Variants in ELAPOR2 observed in about 807,000 individuals in gnomAD.
ELAPOR2 encodes endosome/lysosome-associated apoptosis and autophagy regulator family member 2.
In ELAPOR2, 89 loss-of-function variants were observed where a neutral mutation model predicts 120.7. That is an observed-to-expected ratio of 0.74 (90% CI 0.62 to 0.88). ELAPOR2 has a LOEUF of 0.88. Ranked by LOEUF, ELAPOR2 falls within the 40% of genes least tolerant of loss-of-function variation. The probability of loss-of-function intolerance (pLI) is 0.00; values close to 1 mark genes in which losing one functional copy is unlikely to be tolerated. For synonymous variants in ELAPOR2, 444 were observed against 444.9 expected (o/e 1.00, Z 0.03); for missense variants, 1,134 against 1,251.6 (o/e 0.91, Z 1.42).
chr7:86,989,898 G>A (rs1443614606), intron 1 of ELAPOR2, among the ~76,000 whole-genome samples: 2 of 151,956 alleles, frequency 1.3e-5, no homozygotes, highest in South Asian at 2.1e-4. Flanking sequence ...ATTAAAGGAG[G>A]AACTTTTGGT....
At chr7:87,012,260 A>C (rs1045178894) in intron 1 of ELAPOR2, among the ~76,000 whole-genome samples, 1 of 152,078 alleles carries the variant, frequency 6.6e-6, no homozygotes, top group African/African-American at 2.4e-5. Context: ...AAATACAAAA[A>C]TTAGCTGGGC....
chr7:86,936,063 C>T (rs1252878654), intron 8 of ELAPOR2, among the ~76,000 whole-genome samples: 1 of 151,936 alleles, frequency 6.6e-6, no homozygotes, highest in Admixed American at 6.6e-5. Context: ...TCAATCAACT[C>T]GATCCTCTCC....
At chr7:86,926,665 G>A in intron 9 of ELAPOR2, 71 bp downstream of exon 9, 1 of 1,375,486 alleles carries the variant, frequency 7.3e-7, no homozygotes, top group Non-Finnish European at 9.8e-7. Context: ...AAACAATTTA[G>A]AAAATGGTCA....
chr7:86,938,724 T>C, intron 7 of ELAPOR2, 84 bp downstream of exon 7: 1 of 1,453,024 alleles, frequency 6.9e-7, no homozygotes, highest in South Asian at 1.2e-5. Flanking sequence ...GCTGTCATAC[T>C]TTATGGGTGA....
Position 86,934,620 on chromosome 7 carries a change from C to T in ELAPOR2, c.1089+3506G>A, listed in dbSNP as rs553301406. On this transcript the variant is annotated intron_variant, in intron 8 of 21. Transcript: ENST00000450689. ...CAGGCACCATCCCTGTTCATCTCTC[C>T]TAGCATTAGCTTACTTCTAAGCCCA... Among the ~76,000 whole-genome samples, 34 of 152,112 alleles carry T rather than the reference C, an allele frequency of 2.2e-4. No homozygotes were observed. In the East Asian group the frequency reaches 3.1e-3, roughly 14 times the overall value.
chr7:86,999,326 C>T (rs552399338), intron 1 of ELAPOR2, among the ~76,000 whole-genome samples: 9 of 151,956 alleles, frequency 5.9e-5, no homozygotes, highest in Non-Finnish European at 1.2e-4. Flanking sequence ...ATGTATTTTG[C>T]TTTGCTGTAG....
At chr7:87,045,530 T>G (rs560058554) in intron 1 of ELAPOR2, among the ~76,000 whole-genome samples, 1 of 150,944 alleles carries the variant, frequency 6.6e-6, no homozygotes, top group Admixed American at 6.6e-5. Flanking sequence ...ACACCACATA[T>G]TCTCACTCAT....
chr7:86,892,198 A>G (rs1433521784), intron 20 of ELAPOR2, among the ~76,000 whole-genome samples: 1 of 152,102 alleles, frequency 6.6e-6, no homozygotes, highest in Non-Finnish European at 1.5e-5. Flanking sequence ...TTTTCTTAAC[A>G]TGAATATTTG....
intron 1 of ELAPOR2, among the ~76,000 whole-genome samples, chr7:86,969,935 T>TA (rs2116503842): frequency 6.6e-6 from 1 of 152,314 alleles, no homozygotes; most frequent in East Asian, 1.9e-4. Flanking sequence ...TATTAGCACT[T>TA]ACCAGTTCCT....
chr7:87,013,594 A>T lies in ELAPOR2; in HGVS notation c.189+45731T>A, dbSNP rs553048477. 7.2e-4 allele frequency among the ~76,000 whole-genome samples: 109 copies of T among 152,264 alleles called. 3 individuals carry two copies. The South Asian group carries it at 8.5e-3, about 12-fold the overall frequency. On this transcript the variant is annotated intron_variant, in intron 1 of 21. Coordinates refer to ENST00000450689, the MANE Select transcript of ELAPOR2 (RefSeq NM_001142749.3). ...GAAGGAGCAGGTGGTGAAGAAGATT[A>T]TGGTGAATTATAAGGGACACTGATG...
intron 1 of ELAPOR2, among the ~76,000 whole-genome samples, chr7:86,978,709 T>G (rs2116541562): frequency 6.6e-6 from 1 of 152,312 alleles, no homozygotes. Context: ...TCTCTGAACC[T>G]CAATTTCCTT....
chr7:87,012,647 C>A (rs774805503), intron 1 of ELAPOR2, among the ~76,000 whole-genome samples: 1 of 152,044 alleles, frequency 6.6e-6, no homozygotes, highest in African/African-American at 2.4e-5. Flanking sequence ...GTACTCTGTT[C>A]GGTACTTTTC....
chr7:86,959,504 T>C (rs188053828), intron 2 of ELAPOR2, among the ~76,000 whole-genome samples: 1 of 152,352 alleles, frequency 6.6e-6, no homozygotes, highest in Admixed American at 6.5e-5. Flanking sequence ...TTTCCTTCTA[T>C]GCCTAAGTTA....
rs1176600246 is a variant in ELAPOR2, at chr7:86,878,578, G to A, written c.*1893C>T. On this transcript the variant is annotated 3_prime_UTR_variant, in exon 22 of 22. Transcript: ENST00000450689. Reference sequence around the variant, plus strand: ...AACACAGTGGAAGATGAGGAGAAAGGTGACAGGTGGCTGTGGAAGTTTTCT... The same window carrying A: ...AACACAGTGGAAGATGAGGAGAAAGATGACAGGTGGCTGTGGAAGTTTTCT... 1 of 152,138 alleles carries A rather than the reference G, an allele frequency of 6.6e-6. No homozygotes were observed. Among genetic ancestry groups the A allele is most frequent in the African/African-American group, 2.4e-5 (1 of 41,450 alleles). The allele number at this position is 152,138 out of a possible 1,614,324, so 9.4% of individuals were successfully genotyped here.
At chr7:86,992,841 T>A (rs933852496) in intron 1 of ELAPOR2, among the ~76,000 whole-genome samples, 1 of 152,198 alleles carries the variant, frequency 6.6e-6, no homozygotes, top group Non-Finnish European at 1.5e-5. Flanking sequence ...AATTTTGGAA[T>A]CCTTCATCGA....
intron 1 of ELAPOR2, among the ~76,000 whole-genome samples, chr7:87,031,763 T>C (rs1213266925): frequency 6.6e-6 from 1 of 152,166 alleles, no homozygotes; most frequent in East Asian, 1.9e-4. Context: ...GAATATCAAG[T>C]GCTATGATTA....
At chr7:86,883,063 A>T (rs1015191676) in intron 21 of ELAPOR2, among the ~76,000 whole-genome samples, 45 of 132,404 alleles carry the variant, frequency 3.4e-4, no homozygotes, top group African/African-American at 1.4e-3. Context: ...TGTGTGTGTG[A>T]AAGACATGTG....
intron 1 of ELAPOR2, among the ~76,000 whole-genome samples, chr7:87,057,106 A>G: frequency 6.6e-6 from 1 of 152,232 alleles, no homozygotes; most frequent in East Asian, 1.9e-4. Flanking sequence ...GCAGGAGTGA[A>G]CACAGAGTAG....
intron 8 of ELAPOR2, among the ~76,000 whole-genome samples, chr7:86,927,965 G>C (rs1471115835): frequency 6.6e-6 from 1 of 151,962 alleles, no homozygotes; most frequent in Non-Finnish European, 1.5e-5. Context: ...GCTATTTCCA[G>C]TTAGTAGAAA....
Sources: gnomAD v4.1 joint callset for allele counts (sites outside exome capture counted in the v4.1 genomes callset) on GRCh38, gnomAD v4.1.1 for gene constraint, MANE v1.5 for transcripts, NCBI Gene and HGNC (gene_info 2026-07-23, HGNC 2026-07-21) for gene names.